TSHZ2: variants seen among roughly 807,000 people sequenced by gnomAD.
The protein encoded by TSHZ2 is teashirt homolog 2.
Under a neutral mutation model 74.4 loss-of-function variants are expected in TSHZ2, and 21 were observed. That is an observed-to-expected ratio of 0.28 (90% CI 0.20 to 0.41). The LOEUF is 0.41. TSHZ2 is among the 10% of genes least tolerant of loss of function. The pLI is 1.00. For synonymous variants in TSHZ2, 540 were observed against 515.3 expected (o/e 1.05, Z -0.65); for missense variants, 1,244 against 1,293.5 (o/e 0.96, Z 0.59).
rs59656180 is a variant in TSHZ2 at position 53,401,774 on chromosome 20, C to CTTTT, written c.*9-85350_*9-85347dup. 1.0e-2 allele frequency among the ~76,000 whole-genome samples: 947 copies of CTTTT among 94,836 alleles called. 5 individuals are homozygous for CTTTT. The highest frequency in any genetic ancestry group is 0.022 in the African/African-American group (457 of 21,222). The allele number at this position is 94,836 out of a possible 152,430, so 62.2% of individuals were successfully genotyped here. Reference sequence around the variant, plus strand: ...CCATGGTATATATACAACACATTTTCTTTTTTTTTTTTTTTTTTTTTTTCT... The same window carrying CTTTT: ...CCATGGTATATATACAACACATTTTCTTTTTTTTTTTTTTTTTTTTTTTTTTTCT... On this transcript the variant is annotated intron_variant, in intron 2 of 2. Coordinates refer to ENST00000371497, the MANE Select transcript of TSHZ2 (RefSeq NM_173485.6).
intron 2 of TSHZ2, among the ~76,000 whole-genome samples, chr20:53,403,572 A>G (rs1252460579): frequency 6.6e-6 from 1 of 152,192 alleles, no homozygotes; most frequent in Non-Finnish European, 1.5e-5. Context: ...GTCCTCCTTC[A>G]TGTTCACGGA....
At chr20:53,389,602 C>T (rs1165019030) in intron 2 of TSHZ2, among the ~76,000 whole-genome samples, 2 of 152,130 alleles carry the variant, frequency 1.3e-5, no homozygotes, top group Non-Finnish European at 2.9e-5. Context: ...AAAGTAGTGG[C>T]AGAGGTGAAG....
intron 1 of TSHZ2, among the ~76,000 whole-genome samples, chr20:53,106,962 T>C (rs562645990): frequency 6.6e-6 from 1 of 152,198 alleles, no homozygotes; most frequent in East Asian, 1.9e-4. Flanking sequence ...CCTCCCAAAG[T>C]CCTGGGATTA....
chr20:53,279,114 G>T (rs1426345090), intron 2 of TSHZ2, among the ~76,000 whole-genome samples: 1 of 152,194 alleles, frequency 6.6e-6, no homozygotes, highest in Non-Finnish European at 1.5e-5. Flanking sequence ...CATCATAAAG[G>T]TCTTCATCCT....
intron 1 of TSHZ2, among the ~76,000 whole-genome samples, chr20:53,037,320 C>A (rs1225481207): frequency 2.6e-5 from 4 of 152,168 alleles, no homozygotes; most frequent in Non-Finnish European, 5.9e-5. Flanking sequence ...AAAGTGAAAT[C>A]CCTAAGTCAA....
Position 53,488,854 on chromosome 20 carries a change from C to A in TSHZ2, c.*1719C>A. Reference sequence around the variant, plus strand: ...TGGGATTAAAAAAAAAAAAAAACTTCTTATTTACCTCCTAGGGAAAGTGTT... The same window carrying A: ...TGGGATTAAAAAAAAAAAAAAACTTATTATTTACCTCCTAGGGAAAGTGTT... On this transcript the variant is annotated 3_prime_UTR_variant, in exon 3 of 3. Coordinates refer to ENST00000371497, the MANE Select transcript of TSHZ2 (RefSeq NM_173485.6). 1 of 315,750 alleles carries A rather than the reference C, an allele frequency of 3.2e-6. No homozygotes were observed. Among genetic ancestry groups the A allele is most frequent in the Non-Finnish European group, 6.3e-6 (1 of 159,610 alleles). 19.6% of individuals were successfully genotyped at this position (315,750 alleles called of 1,614,324 possible).
chr20:53,359,714 C>T (rs955452573), intron 2 of TSHZ2, among the ~76,000 whole-genome samples: 3 of 152,154 alleles, frequency 2.0e-5, no homozygotes, highest in Non-Finnish European at 4.4e-5. Context: ...AGAGAGAAGG[C>T]CACTGTGGCT....
At chr20:53,370,150 T>C (rs1981414575) in intron 2 of TSHZ2, among the ~76,000 whole-genome samples, 1 of 152,120 alleles carries the variant, frequency 6.6e-6, no homozygotes. Flanking sequence ...GGCAAGGAAT[T>C]TCTATTTCTG....
chr20:53,333,317 T>A (rs1348841053), intron 2 of TSHZ2, among the ~76,000 whole-genome samples: 1 of 152,198 alleles, frequency 6.6e-6, no homozygotes, highest in Non-Finnish European at 1.5e-5. Context: ...AGAGGCTAGA[T>A]CGCAGATTGA....
chr20:53,014,647 T>A (rs1006881449), intron 1 of TSHZ2, among the ~76,000 whole-genome samples: 1 of 152,084 alleles, frequency 6.6e-6, no homozygotes, highest in African/African-American at 2.4e-5. Context: ...TCTCCCTTCC[T>A]CTTTCCGTGC....
intron 2 of TSHZ2, among the ~76,000 whole-genome samples, chr20:53,471,965 CCAGCT>C (rs1195164995): frequency 1.3e-5 from 2 of 151,838 alleles, no homozygotes; most frequent in Non-Finnish European, 2.9e-5. Flanking sequence ...GCCACCACGC[CCAGCT>C]AATTTTGTAT....
At chr20:53,137,010 C>G (rs1006868130) in intron 1 of TSHZ2, among the ~76,000 whole-genome samples, 1 of 152,112 alleles carries the variant, frequency 6.6e-6, no homozygotes, top group African/African-American at 2.4e-5. Context: ...CTAGATGATT[C>G]ACAAAGCAGG....
chr20:53,284,294 C>G (rs1359818911), intron 2 of TSHZ2, among the ~76,000 whole-genome samples: 1 of 152,180 alleles, frequency 6.6e-6, no homozygotes, highest in East Asian at 1.9e-4. Flanking sequence ...GTTCGGCTGT[C>G]TGTTCGTGCA....
At chr20:53,101,375 AC>A (rs1986212835) in intron 1 of TSHZ2, among the ~76,000 whole-genome samples, 1 of 152,252 alleles carries the variant, frequency 6.6e-6, no homozygotes, top group Non-Finnish European at 1.5e-5. Context: ...CCTATCACTT[AC>A]GTCAATTTAT....
At chr20:53,027,634 G>A (rs1983494297) in intron 1 of TSHZ2, among the ~76,000 whole-genome samples, 1 of 152,060 alleles carries the variant, frequency 6.6e-6, no homozygotes. Context: ...GAAGATAGAT[G>A]AAAGATAAAA....
At chr20:53,006,105 G>A (rs1166883115) in intron 1 of TSHZ2, among the ~76,000 whole-genome samples, 2 of 152,108 alleles carry the variant, frequency 1.3e-5, no homozygotes, top group African/African-American at 4.8e-5. Context: ...CCTAAAGTTT[G>A]GAAGTTTGCT....
intron 2 of TSHZ2, among the ~76,000 whole-genome samples, chr20:53,465,476 G>T (rs964890767): frequency 6.6e-6 from 1 of 152,040 alleles, no homozygotes; most frequent in African/African-American, 2.4e-5. Context: ...TCACCATGTT[G>T]GTCAGGCTGG....
At chr20:52,988,802 A>C (rs988998130) in intron 1 of TSHZ2, among the ~76,000 whole-genome samples, 2 of 152,146 alleles carry the variant, frequency 1.3e-5, no homozygotes, top group Non-Finnish European at 2.9e-5. Context: ...CTCAGTAAGA[A>C]TCGTGCTCAC....
intron 2 of TSHZ2, among the ~76,000 whole-genome samples, chr20:53,344,016 A>T (rs1333466170): frequency 6.6e-6 from 1 of 152,208 alleles, no homozygotes; most frequent in African/African-American, 2.4e-5. Context: ...AGAGGGTCCC[A>T]GTCCCCTGTG....
Sources: allele counts gnomAD v4.1 joint callset (sites outside exome capture counted in the v4.1 genomes callset), GRCh38; gene constraint gnomAD v4.1.1; transcripts MANE v1.5; gene names NCBI Gene and HGNC (gene_info 2026-07-23, HGNC 2026-07-21).